AKR7A3: variants seen among roughly 807,000 people sequenced by gnomAD.
AKR7A3 encodes aldo-keto reductase family 7 member A3, also known as AFB1 aldehyde reductase 2.
AKR7A3 carries 37 observed loss-of-function variants against 32.5 expected under a neutral mutation model. The observed-to-expected ratio is 1.14, with a 90% confidence interval of 0.88 to 1.50. The LOEUF (loss-of-function observed/expected upper bound fraction) is 1.50. Among genes scored for constraint, AKR7A3 ranks in the 40% most tolerant of loss-of-function variants. The pLI, the probability that AKR7A3 is intolerant of heterozygous loss-of-function variation, is 0.00. For synonymous variants in AKR7A3, 177 were observed against 188.4 expected (o/e 0.94, Z 0.50); for missense variants, 412 against 453.2 (o/e 0.91, Z 0.83).
chr1:19,282,793 C>T lies in AKR7A3; in HGVS notation c.934G>A (p.Val312Met), dbSNP rs148859866. 6.3e-4 allele frequency: 1,014 copies of T among 1,613,538 alleles called. 33 individuals are homozygous for T. The African/African-American group carries it at 0.011, about 18-fold the overall frequency. Residue 312 changes from valine (V) to methionine (M), a missense_variant, in exon 7 of 7, where the codon GTG becomes ATG. Physicochemically the swap from Val to Met is conservative, Grantham distance 21. Coordinates refer to ENST00000361640, the MANE Select transcript of AKR7A3 (RefSeq NM_012067.3). ...TGCCAGGCTTGATTAAAGGCGTCCA[C>T]GACAGCCGGCTCCAGGGGCCCTTCC... ...AEEGPLEPAV[V>M]DAFNQAWHLV... is the part of the protein sequence containing the mutation.
the AKR7A3 span, among the ~76,000 whole-genome samples, chr1:19,275,761 T>C: frequency 2.0e-5 from 3 of 151,708 alleles, no homozygotes. Flanking sequence ...GCTGTGATCA[T>C]ACCACTACAC....
At chr1:19,278,682 G>T (rs1569639938), downstream of AKR7A3, among the ~76,000 whole-genome samples, 1 of 151,842 alleles carries the variant, frequency 6.6e-6, no homozygotes, top group South Asian at 2.1e-4. Flanking sequence ...GTATTCAGAG[G>T]TGTACAACCA....
At chr1:19,279,594 T>C (rs900228212), downstream of AKR7A3, among the ~76,000 whole-genome samples, 1 of 151,964 alleles carries the variant, frequency 6.6e-6, no homozygotes, top group Non-Finnish European at 1.5e-5. Flanking sequence ...ATCGTCTGTC[T>C]GTCTTACTAC....
At chr1:19,285,183 C>T (rs1169144448) in intron 3 of AKR7A3, 69 bp from the exon 4 acceptor site, 1 of 1,443,902 alleles carries the variant, frequency 6.9e-7, no homozygotes, top group Non-Finnish European at 9.7e-7. Flanking sequence ...ATTACCCTTC[C>T]AGAACCCTTA....
chr1:19,280,096 G>C (rs1381715545), downstream of AKR7A3, among the ~76,000 whole-genome samples: 1 of 151,800 alleles, frequency 6.6e-6, no homozygotes, highest in Non-Finnish European at 1.5e-5. Context: ...CTCCCATTCT[G>C]TGGGTTGTCA....
intron 3 of AKR7A3, 131 bp from the exon 4 acceptor site, chr1:19,285,245 C>CT (rs2093727576): frequency 2.4e-6 from 2 of 839,832 alleles, no homozygotes; most frequent in Admixed American, 5.1e-5. Flanking sequence ...TATACTTATT[C>CT]TAACTGGTGC....
At chr1:19,274,461 G>T in the AKR7A3 span, among the ~76,000 whole-genome samples, 1 of 151,846 alleles carries the variant, frequency 6.6e-6, no homozygotes, top group Non-Finnish European at 1.5e-5. Flanking sequence ...GCTGTCCCAG[G>T]TCTCTGTCTC....
the AKR7A3 span, among the ~76,000 whole-genome samples, chr1:19,275,385 G>A: frequency 3.1e-3 from 462 of 151,080 alleles, 15 homozygotes; most frequent in African/African-American, 0.011. Flanking sequence ...CACTCCAGCC[G>A]AGGCAACAAG....
At chr1:19,280,329 T>TG (rs1171753535), downstream of AKR7A3, among the ~76,000 whole-genome samples, 1 of 150,144 alleles carries the variant, frequency 6.7e-6, no homozygotes, top group Non-Finnish European at 1.5e-5. Context: ...CTGCAACCTC[T>TG]GCCTCCTGGG....
At position 19,285,035 on chromosome 1, in the gene AKR7A3, GCATAGAACCT is replaced by G. The variant is rs758055606; in HGVS notation, c.577_586del (p.Arg193ProfsTer10). 33 of 1,612,846 alleles carry G rather than the reference GCATAGAACCT, an allele frequency of 2.0e-5. No homozygotes were observed. In the South Asian group the frequency reaches 3.6e-4, roughly 18 times the overall value. ...CCACGTACCAGCCAGAGGGTTGAAG[GCATAGAACCT>G]CAGTCCAAAGTGCCTGAGGCAGGGG... is the stretch of plus-strand genomic sequence containing the variant. On this transcript the variant is annotated frameshift_variant, in exon 4 of 7. Coordinates refer to ENST00000361640, the MANE Select transcript of AKR7A3 (RefSeq NM_012067.3). LOFTEE classifies it high-confidence loss of function.
chr1:19,284,936 A>G lies in AKR7A3; in HGVS notation c.604+82T>C, dbSNP rs2093726593. 31 of 1,602,472 alleles carry G rather than the reference A, an allele frequency of 1.9e-5. No homozygotes were observed. In the South Asian group the frequency reaches 3.4e-4, roughly 18 times the overall value. On this transcript the variant is annotated intron_variant, in intron 4 of 6. Transcript: ENST00000361640. ...GACCTCAGAGGTCAAAGTTTGTCAA[A>G]CCCTCCTTGCTTCCCAGGTCCTGGG...
rs568846235 is a variant in AKR7A3, at chr1:19,283,349, C to G, written c.835-457G>C. Among the ~76,000 whole-genome samples, 25 of 151,962 alleles carry G rather than the reference C, an allele frequency of 1.6e-4. No individual in the cohort carries two copies. In the East Asian group the frequency reaches 4.0e-3, roughly 25 times the overall value. ...TGAGAGAGGGAAACTCCAGCTCCCA[C>G]CAAAAGGATGAGACTAGTGGGCTTT... On this transcript the variant is annotated intron_variant, in intron 6 of 6. Coordinates refer to ENST00000361640, the MANE Select transcript of AKR7A3 (RefSeq NM_012067.3).
the AKR7A3 span, among the ~76,000 whole-genome samples, chr1:19,274,795 A>AG: frequency 6.7e-6 from 1 of 148,794 alleles, no homozygotes; most frequent in African/African-American, 2.5e-5. Context: ...AAAAAAAAAA[A>AG]GAAGAAGAAG....
intron 4 of AKR7A3, 91 bp from the exon 5 acceptor site, chr1:19,284,876 C>T (rs1212752157): frequency 1.3e-6 from 2 of 1,568,918 alleles, no homozygotes; most frequent in Admixed American, 1.7e-5. Context: ...GGGGCAGGGA[C>T]CCAGGAGGGC....
In AKR7A3 at chr1:19,282,824, C is replaced by T. The variant is rs111742333; in HGVS notation, c.903G>A (p.Ala301=). The T allele has an allele frequency of 8.2e-5, 132 of 1,613,278 alleles. 2 individuals carry two copies. In the African/African-American group the frequency reaches 8.9e-4, roughly 11 times the overall value. Reference sequence around the variant, plus strand: ...CCGGCTCCAGGGGCCCTTCCTCTGCCGCTGCCAAGTTCTGCTCCAGCTGCT... The same window carrying T: ...CCGGCTCCAGGGGCCCTTCCTCTGCTGCTGCCAAGTTCTGCTCCAGCTGCT... ...SLEQLEQNLA[A]AEEGPLEPAV... is the part of the protein sequence containing the mutation. The change falls in exon 7 of 7, where the codon GCG becomes GCA. Residue 301 remains alanine (A), a synonymous_variant. Coordinates refer to ENST00000361640, the MANE Select transcript of AKR7A3 (RefSeq NM_012067.3).
downstream of AKR7A3, among the ~76,000 whole-genome samples, chr1:19,279,783 T>C (rs1165253389): frequency 6.6e-6 from 1 of 151,976 alleles, no homozygotes; most frequent in African/African-American, 2.4e-5. Context: ...GATATTGTTA[T>C]TGTTGAATGA....
rs1393789290 is a variant in AKR7A3, at chr1:19,286,450, G to A, written c.215-78C>T. On this transcript the variant is annotated intron_variant, in intron 1 of 6. Transcript: ENST00000361640. ...TAATCCCAGCACTTTGGGAGACTGAGGCAGGCAAATCAGAAGGTCAGGAGT... is the reference window on the plus strand; with the variant it reads ...TAATCCCAGCACTTTGGGAGACTGAAGCAGGCAAATCAGAAGGTCAGGAGT... 17 of 1,440,280 alleles carry A rather than the reference G, an allele frequency of 1.2e-5. 1 individual carries two copies. In the African/African-American group the frequency reaches 1.3e-4, roughly 11 times the overall value. 89.2% of individuals were successfully genotyped at this position (1,440,280 alleles called of 1,614,324 possible).
chr1:19,280,352 C>T (rs76988719), downstream of AKR7A3, among the ~76,000 whole-genome samples: 4,473 of 149,910 alleles, frequency 0.03, 81 homozygotes, highest in South Asian at 0.057. Context: ...CAAGTGATTC[C>T]GGTGCCTCAG....
At chr1:19,286,608 G>C (rs2093731058) in intron 1 of AKR7A3, among the ~76,000 whole-genome samples, 2 of 151,888 alleles carry the variant, frequency 1.3e-5, no homozygotes, top group African/African-American at 4.9e-5. Flanking sequence ...TTGAACCCGG[G>C]AGGCGGAGGT....
Sources: allele counts gnomAD v4.1 joint callset (sites outside exome capture counted in the v4.1 genomes callset), GRCh38; gene constraint gnomAD v4.1.1; transcripts MANE v1.5; gene names NCBI Gene and HGNC (gene_info 2026-07-23, HGNC 2026-07-21).